MAN1A2: variants seen among roughly 807,000 people sequenced by gnomAD.
The protein encoded by MAN1A2 is mannosyl-oligosaccharide 1,2-alpha-mannosidase IB.
In MAN1A2, 26 loss-of-function variants were observed where a neutral mutation model predicts 75.7. The ratio of observed to expected loss-of-function variants is 0.34; its 90% CI spans 0.25 to 0.48. MAN1A2 has a LOEUF of 0.48. MAN1A2 is among the 20% of genes least tolerant of loss of function. The pLI, the probability that MAN1A2 is intolerant of heterozygous loss-of-function variation, is 0.99. For synonymous variants in MAN1A2, 247 were observed against 264.6 expected, an observed-to-expected ratio of 0.93 and a Z score of 0.65; for missense variants, 562 against 775.5, an observed-to-expected ratio of 0.72 and a Z score of 3.27.
chr1:117,412,392 A>C (rs1647850398), intron 3 of MAN1A2, among the ~76,000 whole-genome samples: 1 of 151,612 alleles, frequency 6.6e-6, no homozygotes, highest in Admixed American at 6.6e-5. Context: ...CCTTTTAAAA[A>C]CGAGGTTAAT....
chr1:117,496,844 A>C lies in MAN1A2; in HGVS notation c.1366A>C (p.Lys456Gln). 1 of 1,612,798 alleles carries C rather than the reference A, an allele frequency of 6.2e-7. No homozygotes were observed. The highest frequency in any genetic ancestry group is 8.5e-7 in the Non-Finnish European group (1 of 1,179,276). Residue 456 changes from lysine to glutamine, a missense_variant, in exon 10 of 13, where the codon AAG (lysine) becomes CAG (glutamine). Lys to Gln is a moderately conservative substitution (Grantham distance 53). Transcript: ENST00000356554. Reference sequence around the variant, plus strand: ...ATGGAAGAATGGGCACTTGGAAAAAAAGATGGGGCATTTGGCCTGCTTTGC... The same window carrying C: ...ATGGAAGAATGGGCACTTGGAAAAACAGATGGGGCATTTGGCCTGCTTTGC... ...GEWKNGHLEK[K>Q]MGHLACFAGG...
chr1:117,418,170 A>G (rs1648069345), intron 4 of MAN1A2, among the ~76,000 whole-genome samples: 1 of 152,196 alleles, frequency 6.6e-6, no homozygotes, highest in Non-Finnish European at 1.5e-5. Flanking sequence ...AGATAAATAA[A>G]TGCACACATT....
chr1:117,446,006 T>C (rs1325373837), intron 6 of MAN1A2, among the ~76,000 whole-genome samples: 2 of 148,814 alleles, frequency 1.3e-5, no homozygotes, highest in African/African-American at 2.4e-5. Context: ...AGATTTTGTT[T>C]TATTTTGTGT....
chr1:117,505,046 T>C (rs1651307348), intron 12 of MAN1A2, among the ~76,000 whole-genome samples: 1 of 151,552 alleles, frequency 6.6e-6, no homozygotes, highest in South Asian at 2.1e-4. Flanking sequence ...GGAGTGATAA[T>C]TTTGAGACTG....
At chr1:117,521,574 G>A (rs1366643971) in intron 12 of MAN1A2, among the ~76,000 whole-genome samples, 5 of 151,988 alleles carry the variant, frequency 3.3e-5, no homozygotes, top group African/African-American at 9.7e-5. Context: ...TGCACTGCTA[G>A]TGGGAACGTA....
At chr1:117,498,993 C>G (rs999526978) in intron 10 of MAN1A2, among the ~76,000 whole-genome samples, 60 of 151,592 alleles carry the variant, frequency 4.0e-4, no homozygotes, top group Admixed American at 3.6e-3. Flanking sequence ...AATTACCTTG[C>G]CTTTAAAAAA....
In MAN1A2 at chr1:117,368,413, A is replaced by C. The variant is rs1211198740; in HGVS notation, c.230A>C (p.His77Pro). The change falls in exon 1 of 13, where the codon CAT (histidine) becomes CCT (proline). Residue 77 changes from histidine (H) to proline (P), a missense_variant. Physicochemically the swap from His to Pro is moderately conservative, Grantham distance 77 (BLOSUM62 -2). Coordinates refer to ENST00000356554, the MANE Select transcript of MAN1A2 (RefSeq NM_006699.5). ...GGTTTAGAAGATGTGTTAATTCCAC[A>C]TGTAGATGCCGGTAAAGGGGCTAAA... is the stretch of plus-strand genomic sequence containing the variant. ...DLGLEDVLIP[H>P]VDAGKGAKNP... 1.2e-6 allele frequency: 2 copies of C among 1,614,062 alleles called. No homozygotes were observed. The highest frequency in any genetic ancestry group is 8.5e-7 in the Non-Finnish European group (1 of 1,179,982).
At position 117,526,295 on chromosome 1, in the gene MAN1A2, C is replaced by A. The variant is rs1652017708; in HGVS notation, c.*3338C>A. 6.6e-6 allele frequency: 1 copy of A among 151,702 alleles called. No individual in the cohort carries two copies. Among genetic ancestry groups the A allele is most frequent in the African/African-American group, 2.4e-5 (1 of 41,374 alleles). 9.4% of individuals were successfully genotyped at this position (151,702 alleles called of 1,614,324 possible). ...ATCATTAGAATGTTTTATGTGATTC[C>A]ACAGCATTTTCTGTATGAGAGTAGC... is the stretch of plus-strand genomic sequence containing the variant. On this transcript the variant is annotated 3_prime_UTR_variant, in exon 13 of 13. Transcript: ENST00000356554.
chr1:117,416,487 C>T (rs987421381), intron 4 of MAN1A2, among the ~76,000 whole-genome samples: 2 of 152,088 alleles, frequency 1.3e-5, no homozygotes, highest in African/African-American at 4.8e-5. Flanking sequence ...GTGCAATACT[C>T]CCATTCATTG....
intron 5 of MAN1A2, among the ~76,000 whole-genome samples, chr1:117,431,826 T>TCCTGAGTA (rs1648679790): frequency 6.6e-6 from 1 of 152,198 alleles, no homozygotes; most frequent in Non-Finnish European, 1.5e-5. Context: ...AGCATGTACC[T>TCCTGAGTA]GTAGTCCCAG....
At chr1:117,416,971 G>A (rs1041512023) in intron 4 of MAN1A2, among the ~76,000 whole-genome samples, 1 of 152,168 alleles carries the variant, frequency 6.6e-6, no homozygotes, top group African/African-American at 2.4e-5. Context: ...CCACTGCCAG[G>A]GTGAACCCTG....
At chr1:117,490,781 A>T (rs1013447889) in intron 8 of MAN1A2, among the ~76,000 whole-genome samples, 1 of 152,118 alleles carries the variant, frequency 6.6e-6, no homozygotes, top group African/African-American at 2.4e-5. Flanking sequence ...GAAGGAAATT[A>T]AAAATGCTAT....
At chr1:117,512,486 C>A (rs535145889) in intron 12 of MAN1A2, among the ~76,000 whole-genome samples, 2 of 152,120 alleles carry the variant, frequency 1.3e-5, no homozygotes, top group Non-Finnish European at 2.9e-5. Flanking sequence ...GCTGATGCTG[C>A]TGGTCTGGGG....
intron 7 of MAN1A2, among the ~76,000 whole-genome samples, chr1:117,464,854 C>G (rs1649935868): frequency 6.6e-6 from 1 of 151,790 alleles, no homozygotes; most frequent in African/African-American, 2.4e-5. Flanking sequence ...TGTTTTATGT[C>G]AAAACTTTCA....
rs188797477 is a variant in MAN1A2 at position 117,439,639 on chromosome 1, G to A, written c.856-2592G>A. On this transcript the variant is annotated intron_variant, in intron 5 of 12. Coordinates refer to ENST00000356554, the MANE Select transcript of MAN1A2 (RefSeq NM_006699.5). ...CTCCTGAGTAGCTGGGACTATAGGC[G>A]CGCACCACCACACCTGGCTAATTTT... 7.9e-3 allele frequency among the ~76,000 whole-genome samples: 1,193 copies of A among 151,954 alleles called. 11 individuals carry two copies. Among genetic ancestry groups the A allele is most frequent in the Non-Finnish European group, 0.01 (711 of 67,940 alleles).
At chr1:117,443,598 AT>A (rs1649115153) in intron 6 of MAN1A2, among the ~76,000 whole-genome samples, 1 of 152,162 alleles carries the variant, frequency 6.6e-6, no homozygotes, top group African/African-American at 2.4e-5. Context: ...GAAAATCAAG[AT>A]TAAATTGCAG....
At chr1:117,502,831 T>C in intron 11 of MAN1A2, 24 bp from the exon 12 acceptor site, 2 of 1,243,010 alleles carry the variant, frequency 1.6e-6, no homozygotes, top group Admixed American at 3.6e-5. Context: ...CGGAATTGCT[T>C]ATTTTGTCTG....
intron 6 of MAN1A2, among the ~76,000 whole-genome samples, chr1:117,454,659 A>G (rs1301299152): frequency 2.6e-5 from 4 of 152,192 alleles, no homozygotes; most frequent in Non-Finnish European, 5.9e-5. Context: ...AGATTTACAC[A>G]AAGAAGGGAA....
intron 1 of MAN1A2, among the ~76,000 whole-genome samples, chr1:117,376,482 C>T (rs1015336804): frequency 2.6e-5 from 4 of 152,252 alleles, no homozygotes; most frequent in Non-Finnish European, 5.9e-5. Context: ...CGCCAAGGCT[C>T]GCTCACGCCC....
Sources: allele counts gnomAD v4.1 joint callset (sites outside exome capture counted in the v4.1 genomes callset), GRCh38; gene constraint gnomAD v4.1.1; transcripts MANE v1.5; gene names NCBI Gene and HGNC (gene_info 2026-07-23, HGNC 2026-07-21).